Variants in ANK3 observed in about 807,000 individuals in gnomAD.
The protein encoded by ANK3 is ankyrin-3.
In ANK3, 57 loss-of-function variants were observed where a neutral mutation model predicts 370.9. The ratio of observed to expected loss-of-function variants is 0.15; its 90% CI spans 0.12 to 0.19. The LOEUF is 0.19. ANK3 is among the 10% of genes least tolerant of loss of function. The pLI, the probability that ANK3 is intolerant of heterozygous loss-of-function variation, is 1.00. For missense variants in ANK3, 4,439 were observed against 5,302.1 expected (o/e 0.84, Z 5.06); for synonymous variants, 1,929 against 1,946.3 (o/e 0.99, Z 0.23).
At chr10:60,725,363 G>T (rs1228432036) in intron 1 of ANK3, among the ~76,000 whole-genome samples, 3 of 152,096 alleles carry the variant, frequency 2.0e-5, no homozygotes, top group Non-Finnish European at 4.4e-5. Flanking sequence ...CCTTGGACAT[G>T]TCCTCTTGGG....
intron 2 of ANK3, among the ~76,000 whole-genome samples, chr10:60,543,051 T>C (rs10994408): frequency 0.58 from 87,708 of 151,684 alleles, 25,769 homozygotes; most frequent in East Asian, 0.75. Flanking sequence ...TAAGGGATTG[T>C]GCTATCTATA....
At chr10:60,692,024 A>C (rs563421841) in intron 1 of ANK3, among the ~76,000 whole-genome samples, 87 of 152,340 alleles carry the variant, frequency 5.7e-4, no homozygotes, top group African/African-American at 2.0e-3. Flanking sequence ...TCTATTTCTC[A>C]TCACTAGCTA....
At chr10:60,406,649 G>A (rs567098450) in intron 2 of ANK3, among the ~76,000 whole-genome samples, 1 of 152,124 alleles carries the variant, frequency 6.6e-6, no homozygotes, top group East Asian at 1.9e-4. Context: ...TCCACAGCCC[G>A]GGGGCTGAGG....
At chr10:60,354,523 T>C (rs1265781245) in intron 1 of ANK3, among the ~76,000 whole-genome samples, 1 of 152,218 alleles carries the variant, frequency 6.6e-6, no homozygotes, top group Non-Finnish European at 1.5e-5. Flanking sequence ...TAGTAAGTCC[T>C]TAATGAAAAA....
At chr10:60,395,443 C>T (rs1039033179) in intron 2 of ANK3, among the ~76,000 whole-genome samples, 4 of 152,184 alleles carry the variant, frequency 2.6e-5, no homozygotes, top group African/African-American at 4.8e-5. Flanking sequence ...ACATAAAGAA[C>T]TTACACAGTA....
chr10:60,585,399 A>C (rs2077817315), intron 2 of ANK3, among the ~76,000 whole-genome samples: 1 of 152,186 alleles, frequency 6.6e-6, no homozygotes, highest in African/African-American at 2.4e-5. Context: ...AGGATAGAGA[A>C]CATTCAGAAA....
At chr10:60,547,108 T>TTTTGTA (rs2076981116) in intron 2 of ANK3, among the ~76,000 whole-genome samples, 1 of 146,282 alleles carries the variant, frequency 6.8e-6, no homozygotes, top group Non-Finnish European at 1.5e-5. Flanking sequence ...TTTTTTTTTT[T>TTTTGTA]GAGAAGGAGT....
intron 2 of ANK3, among the ~76,000 whole-genome samples, chr10:60,589,865 C>T (rs2077885906): frequency 6.6e-6 from 1 of 152,162 alleles, no homozygotes; most frequent in Admixed American, 6.5e-5. Flanking sequence ...GATTGGTTTT[C>T]CTCTCAACCA....
intron 21 of ANK3, among the ~76,000 whole-genome samples, chr10:60,168,504 C>T (rs923733958): frequency 2.0e-5 from 3 of 152,002 alleles, no homozygotes; most frequent in Non-Finnish European, 2.9e-5. Context: ...CCTTAGGTTC[C>T]TCTGGGCTGT....
At chr10:60,718,996 C>G (rs921694462) in intron 1 of ANK3, among the ~76,000 whole-genome samples, 2 of 152,130 alleles carry the variant, frequency 1.3e-5, no homozygotes, top group African/African-American at 4.8e-5. Context: ...GAAAGAAAAG[C>G]TAATAAATCT....
At chr10:60,281,538 T>A (rs922117) in intron 1 of ANK3, among the ~76,000 whole-genome samples, 39,364 of 152,118 alleles carry the variant, frequency 0.26, 5,261 homozygotes, top group South Asian at 0.31. Context: ...ACAAGCCTTG[T>A]CTCAGCACAA....
intron 2 of ANK3, among the ~76,000 whole-genome samples, chr10:60,439,311 C>T (rs767594897): frequency 3.9e-5 from 6 of 152,020 alleles, no homozygotes; most frequent in Non-Finnish European, 5.9e-5. Context: ...AAAAATATTG[C>T]ATTAAACAGA....
At chr10:60,722,683 A>T (rs900098063) in intron 1 of ANK3, among the ~76,000 whole-genome samples, 1 of 152,170 alleles carries the variant, frequency 6.6e-6, no homozygotes. Context: ...GGTGGGAGGT[A>T]TTTGGATCAT....
chr10:60,350,864 C>T (rs1168693427), intron 1 of ANK3, among the ~76,000 whole-genome samples: 1 of 152,132 alleles, frequency 6.6e-6, no homozygotes, highest in Admixed American at 6.5e-5. Context: ...ATAGAGTTCC[C>T]TGTGCCCTTT....
intron 2 of ANK3, chr10:60,615,136 T>G: frequency 8.2e-7 from 1 of 1,226,942 alleles, no homozygotes; most frequent in African/African-American, 1.6e-5. Flanking sequence ...AGAAGAAACT[T>G]GTCCACACAA....
chr10:60,107,462 A>C (rs2132090832), intron 27 of ANK3, among the ~76,000 whole-genome samples: 1 of 152,340 alleles, frequency 6.6e-6, no homozygotes, highest in Middle Eastern at 3.4e-3. Flanking sequence ...GTGAAAGCCA[A>C]GCATAGCTTT....
chr10:60,294,560 A>C (rs2042115145), intron 1 of ANK3, among the ~76,000 whole-genome samples: 1 of 152,188 alleles, frequency 6.6e-6, no homozygotes. Flanking sequence ...AATATACCAA[A>C]ATGCTATTGT....
At chr10:60,116,550 G>T (rs1243390808) in intron 25 of ANK3, among the ~76,000 whole-genome samples, 1 of 151,252 alleles carries the variant, frequency 6.6e-6, no homozygotes, top group African/African-American at 2.4e-5. Flanking sequence ...TATCTAGAGA[G>T]AGATGAGATA....
At chr10:60,081,593 AT>A in intron 35 of ANK3, 1 of 387,912 alleles carries the variant, frequency 2.6e-6, no homozygotes, top group South Asian at 2.0e-5. Flanking sequence ...GTAAGCAAAT[AT>A]TTTGTATCAC....
Sources: gnomAD v4.1 joint callset for allele counts (sites outside exome capture counted in the v4.1 genomes callset) on GRCh38, gnomAD v4.1.1 for gene constraint, MANE v1.5 for transcripts, NCBI Gene and HGNC (gene_info 2026-07-23, HGNC 2026-07-21) for gene names.